The following GC variants were observed in gnomAD, a reference collection of about 807,000 sequenced individuals.
The protein encoded by GC is vitamin D-binding protein.
GC carries 43 observed loss-of-function variants against 56.7 expected under a neutral mutation model. That is an observed-to-expected ratio of 0.76 (90% CI 0.59 to 0.98). The LOEUF is 0.98. Among genes scored for constraint, GC ranks in the 50% least tolerant of loss-of-function variants. The pLI is 0.00. For synonymous variants in GC, 216 were observed against 202.7 expected, an observed-to-expected ratio of 1.07 and a Z score of -0.56; for missense variants, 529 against 545.9, an observed-to-expected ratio of 0.97 and a Z score of 0.31.
chr4:71,767,946 T>G (rs1331465631), intron 3 of GC, among the ~76,000 whole-genome samples: 1 of 152,148 alleles, frequency 6.6e-6, no homozygotes, highest in Non-Finnish European at 1.5e-5. Context: ...TCACTTAGAA[T>G]AATGATCCAT....
intron 1 of GC, among the ~76,000 whole-genome samples, chr4:71,803,325 A>T (rs1398439548): frequency 6.6e-6 from 1 of 152,162 alleles, no homozygotes; most frequent in African/African-American, 2.4e-5. Context: ...TTTTATTCTT[A>T]TTCTATTTCT....
At chr4:71,746,972 G>T (rs1741398047) in intron 11 of GC, among the ~76,000 whole-genome samples, 1 of 151,920 alleles carries the variant, frequency 6.6e-6, no homozygotes, top group South Asian at 2.1e-4. Flanking sequence ...AAGATTGCCT[G>T]AAACTAAATA....
chr4:71,759,436 G>T (rs1741893441), intron 6 of GC: 1 of 152,086 alleles, frequency 6.6e-6, no homozygotes, highest in Non-Finnish European at 1.5e-5. Context: ...ATGCAACTTT[G>T]CTAACATTTG....
chr4:71,795,859 C>CA (rs1345469300), intron 1 of GC, among the ~76,000 whole-genome samples: 2 of 152,144 alleles, frequency 1.3e-5, no homozygotes, highest in Non-Finnish European at 2.9e-5. Flanking sequence ...CTGGTGGTAA[C>CA]AAAATCTGTC....
chr4:71,746,154 A>C lies in GC; in HGVS notation c.*22T>G, dbSNP rs1326479084. On this transcript the variant is annotated 3_prime_UTR_variant, in exon 12 of 13. Coordinates refer to ENST00000273951, the MANE Select transcript of GC (RefSeq NM_000583.4). ...TGCATTTATAAAATATACTTACCAA[A>C]GTTAATAAACATGCTTCAGGACTAC... 3 of 1,180,098 alleles carry C rather than the reference A, an allele frequency of 2.5e-6. No individual in the cohort carries two copies. The highest frequency in any genetic ancestry group is 3.8e-6 in the Non-Finnish European group (3 of 790,662). The allele number at this position is 1,180,098 out of a possible 1,614,324, so 73.1% of individuals were successfully genotyped here. A position where few individuals can be genotyped will look rare whatever the true frequency, so the allele number is the denominator to read the frequency against.
intron 1 of GC, among the ~76,000 whole-genome samples, chr4:71,796,749 G>A (rs151075859): frequency 1.3e-5 from 2 of 152,122 alleles, no homozygotes; most frequent in African/African-American, 2.4e-5. Context: ...GAGGTGCTCT[G>A]GTTTTTAGAA....
chr4:71,770,255 T>C (rs1342091356), intron 1 of GC, among the ~76,000 whole-genome samples: 2 of 152,070 alleles, frequency 1.3e-5, no homozygotes, highest in South Asian at 2.1e-4. Flanking sequence ...GCAGACCTGA[T>C]GTAGCTCAAG....
At chr4:71,787,687 G>T (rs1413960254), upstream of GC, among the ~76,000 whole-genome samples, 1 of 151,842 alleles carries the variant, frequency 6.6e-6, no homozygotes, top group African/African-American at 2.4e-5. Flanking sequence ...GTCCAAGCAA[G>T]GGATGACAGA....
At chr4:71,776,404 G>C (rs903048408) in intron 1 of GC, among the ~76,000 whole-genome samples, 2 of 151,806 alleles carry the variant, frequency 1.3e-5, no homozygotes, top group East Asian at 3.9e-4. Flanking sequence ...AATAAGCCAG[G>C]TACAGAAAGA....
intron 1 of GC, among the ~76,000 whole-genome samples, chr4:71,774,239 T>C (rs192001493): frequency 8.0e-4 from 122 of 152,140 alleles, no homozygotes; most frequent in East Asian, 9.7e-4. Context: ...CTTTCAGACT[T>C]TGAAAATTCA....
intron 6 of GC, among the ~76,000 whole-genome samples, chr4:71,758,420 T>G (rs1372214282): frequency 6.6e-6 from 1 of 152,178 alleles, no homozygotes; most frequent in African/African-American, 2.4e-5. Flanking sequence ...CAGATATACA[T>G]AGTGAAAGCA....
In GC at chr4:71,763,827, G is replaced by A. The variant is rs977586622; in HGVS notation, c.583C>T (p.Pro195Ser). The change falls in exon 5 of 13, where the codon CCA becomes TCA. Residue 195 changes from proline (P) to serine (S), a missense_variant. Pro to Ser is a moderately conservative substitution (Grantham distance 74, BLOSUM62 -1). Transcript: ENST00000273951. ...MVGSCCTSAS[P>S]TVCFLKERLQ... ...ACCTCTTTCAAAAAGCATACAGTTG[G>A]GCTTGCAGAGGTACAGCAGGACCCT... is the stretch of plus-strand genomic sequence containing the variant. The A allele has an allele frequency of 2.4e-5, 39 of 1,612,992 alleles. No homozygotes were observed. Among genetic ancestry groups the A allele is most frequent in the Non-Finnish European group, 3.1e-5 (37 of 1,179,144 alleles).
At chr4:71,768,475 GT>G (rs375061055) in intron 2 of GC, 42 bp from the exon 3 acceptor site, 15,705 of 1,228,330 alleles carry the variant, frequency 0.013, no homozygotes, top group South Asian at 0.02. Context: ...GAACTGAAAG[GT>G]TTTTTTTTTT....
chr4:71,795,039 C>G (rs926092273), intron 1 of GC, among the ~76,000 whole-genome samples: 1 of 152,142 alleles, frequency 6.6e-6, no homozygotes, highest in African/African-American at 2.4e-5. Flanking sequence ...GTTGTGATTT[C>G]TGTTCTTTTA....
At chr4:71,747,104 A>T (rs1053560993) in intron 11 of GC, among the ~76,000 whole-genome samples, 1 of 152,146 alleles carries the variant, frequency 6.6e-6, no homozygotes, top group Non-Finnish European at 1.5e-5. Context: ...AGAGTCACTA[A>T]ATTTTCATCG....
At chr4:71,763,573 G>T (rs1560698361) in intron 5 of GC, 71 bp from the exon 6 acceptor site, 2 of 890,184 alleles carry the variant, frequency 2.2e-6, no homozygotes, top group Non-Finnish European at 3.6e-6. Flanking sequence ...GGCAAAAATA[G>T]GGACTATTAA....
chr4:71,752,734 T>C, intron 10 of GC, 84 bp from the exon 11 acceptor site: 2 of 1,179,356 alleles, frequency 1.7e-6, no homozygotes, highest in Non-Finnish European at 2.5e-6. Flanking sequence ...CCATTTCAGA[T>C]CTTTTACAAT....
intron 1 of GC, among the ~76,000 whole-genome samples, chr4:71,800,826 G>C (rs1354725404): frequency 1.3e-5 from 2 of 152,128 alleles, no homozygotes; most frequent in African/African-American, 2.4e-5. Flanking sequence ...TTTCTCTAAT[G>C]ATCAGACACT....
At position 71,770,734 on chromosome 4, in the gene GC, C is replaced by G. The variant is rs547244931; in HGVS notation, c.59-1334G>C. ...GTATCTGTGTCTTCCTTTCCCACCACAGGCAATAGAACTGAAACAGGCCTG... is the reference window on the plus strand; with the variant it reads ...GTATCTGTGTCTTCCTTTCCCACCAGAGGCAATAGAACTGAAACAGGCCTG... On this transcript the variant is annotated intron_variant, in intron 1 of 12. Transcript: ENST00000273951. Among the ~76,000 whole-genome samples, 117 of 152,280 alleles carry G rather than the reference C, an allele frequency of 7.7e-4. No homozygotes were observed. In the Middle Eastern group the frequency reaches 0.01, roughly 13 times the overall value.
Sources: allele counts gnomAD v4.1 joint callset (sites outside exome capture counted in the v4.1 genomes callset), GRCh38; gene constraint gnomAD v4.1.1; transcripts MANE v1.5; gene names NCBI Gene and HGNC (gene_info 2026-07-23, HGNC 2026-07-21).